CPNE8: variants seen among roughly 807,000 people sequenced by gnomAD.
CPNE8 encodes the protein copine-8.
In CPNE8, 45 loss-of-function variants were observed where a neutral mutation model predicts 81.5. The observed-to-expected ratio is 0.55, with a 90% confidence interval of 0.44 to 0.71. CPNE8 has a LOEUF of 0.71. Ranked by LOEUF, CPNE8 falls within the 30% of genes least tolerant of loss-of-function variation. The pLI is 0.00. For missense variants in CPNE8, 594 were observed against 672.1 expected, an observed-to-expected ratio of 0.88 and a Z score of 1.28; for synonymous variants, 252 against 226.3, an observed-to-expected ratio of 1.11 and a Z score of -1.02.
chr12:38,652,605 C>A lies in CPNE8; in HGVS notation c.*1277G>T, dbSNP rs1302992979. The A allele has an allele frequency of 6.6e-6, 1 of 152,532 alleles. No homozygotes were observed. The highest frequency in any genetic ancestry group is 2.4e-5 in the African/African-American group (1 of 41,440). 9.4% of individuals were successfully genotyped at this position (152,532 alleles called of 1,614,324 possible). On this transcript the variant is annotated 3_prime_UTR_variant, in exon 20 of 20. Coordinates refer to ENST00000331366, the MANE Select transcript of CPNE8 (RefSeq NM_153634.3). The stretch of plus-strand genomic sequence containing the variant: ...AAAGCAGTTACATTTTTGACACACA[C>A]ACACACACAAATAAATACACTTTTC...
intron 4 of CPNE8, among the ~76,000 whole-genome samples, chr12:38,847,515 C>A (rs533598576): frequency 1.3e-5 from 2 of 152,258 alleles, no homozygotes; most frequent in South Asian, 4.1e-4. Flanking sequence ...CAATGAGCCT[C>A]ATTTTTACTA....
chr12:38,905,664 G>A, upstream of CPNE8: 7 of 1,482,916 alleles, frequency 4.7e-6, no homozygotes, highest in Non-Finnish European at 6.3e-6. Flanking sequence ...GGCAGCGCGC[G>A]GGATGGGGGA....
intron 3 of CPNE8, among the ~76,000 whole-genome samples, chr12:38,861,249 A>G (rs1943829816): frequency 6.6e-6 from 1 of 152,132 alleles, no homozygotes; most frequent in Admixed American, 6.6e-5. Flanking sequence ...GAAAAACGGG[A>G]AATTGTTGTT....
chr12:38,658,462 T>C (rs551338974), intron 19 of CPNE8, among the ~76,000 whole-genome samples: 1 of 152,310 alleles, frequency 6.6e-6, no homozygotes, highest in East Asian at 1.9e-4. Flanking sequence ...TGGAACCAAG[T>C]TGGAAAACAC....
chr12:38,829,387 T>G lies in CPNE8; in HGVS notation c.399A>C (p.Lys133Asn). ...AATTAAAAAATACTTACACTATTGGTTTTTCCAGGCGACTTCCCTGTGAAC... is the reference window on the plus strand; with the variant it reads ...AATTAAAAAATACTTACACTATTGGGTTTTCCAGGCGACTTCCCTGTGAAC... Reference protein sequence around the residue: ...IVGSQGSRLEKPIVGIPGKKC... With the variant: ...IVGSQGSRLENPIVGIPGKKC... The change falls in exon 6 of 20, where the codon AAA becomes AAC. Residue 133 changes from lysine (K) to asparagine (N), a missense_variant. Transcript: ENST00000331366. The G allele has an allele frequency of 6.2e-7, 1 of 1,609,430 alleles. No homozygotes were observed. The highest frequency in any genetic ancestry group is 8.5e-7 in the Non-Finnish European group (1 of 1,175,760).
rs1265586921 is a variant in CPNE8, at chr12:38,661,304, T to G, written c.1507-7234A>C. Among the ~76,000 whole-genome samples the G allele has an allele frequency of 3.9e-5, 6 of 152,302 alleles. No homozygotes were observed. The East Asian group carries it at 5.8e-4, about 15-fold the overall frequency. On this transcript the variant is annotated intron_variant, in intron 19 of 19. Transcript: ENST00000331366. ...TAAAAAAGGATGAGTTCATGTCCTT[T>G]GCAGGGACATGGATGAAGCTGGAAA... is the stretch of plus-strand genomic sequence containing the variant.
At position 38,848,542 on chromosome 12, in the gene CPNE8, G is replaced by A. The variant is rs369261107; in HGVS notation, c.290+17C>T. 21 of 1,557,544 alleles carry A rather than the reference G, an allele frequency of 1.3e-5. No individual in the cohort carries two copies. Among genetic ancestry groups the A allele is most frequent in the Non-Finnish European group, 1.7e-5 (20 of 1,161,038 alleles). ...TAAAATCAAATTTTTCTAAACGCAA[G>A]TTTTAGTAGAACTTACAAGTCAAAA... On this transcript the variant is annotated intron_variant, in intron 4 of 19. Transcript: ENST00000331366.
At chr12:38,888,076 A>G (rs1032742495) in intron 1 of CPNE8, among the ~76,000 whole-genome samples, 2 of 152,154 alleles carry the variant, frequency 1.3e-5, no homozygotes, top group Non-Finnish European at 2.9e-5. Flanking sequence ...GTGCCTACAG[A>G]TCTCCACTAA....
rs558941454 is a variant in CPNE8, at chr12:38,762,013, T to G, written c.680+99A>C. On this transcript the variant is annotated intron_variant, in intron 9 of 19. Transcript: ENST00000331366. ...TATTTTCATTTTTGGAAAATAAGTTTAACCAAATTTTAATTAGCCAACTTA... is the reference window on the plus strand; with the variant it reads ...TATTTTCATTTTTGGAAAATAAGTTGAACCAAATTTTAATTAGCCAACTTA... The G allele has an allele frequency of 1.4e-5, 7 of 514,952 alleles. No homozygotes were observed. In the East Asian group the frequency reaches 2.3e-4, roughly 17 times the overall value. The allele number at this position is 514,952 out of a possible 1,614,324, so 31.9% of individuals were successfully genotyped here.
intron 16 of CPNE8, among the ~76,000 whole-genome samples, chr12:38,683,293 A>G (rs6580718): frequency 0.63 from 95,084 of 152,062 alleles, 36,670 homozygotes; most frequent in Non-Finnish European, 0.88. Flanking sequence ...TCAAGCCAAT[A>G]TAAAAAGTAT....
Position 38,799,651 on chromosome 12 carries a change from G to A in CPNE8, c.408-23350C>T, listed in dbSNP as rs1022007385. Among the ~76,000 whole-genome samples the A allele has an allele frequency of 5.9e-5, 9 of 152,178 alleles. No homozygotes were observed. In the East Asian group the frequency reaches 1.8e-3, roughly 30 times the overall value. ...AATTAAAAGAACTAGAAAAGTGGAG[G>A]AGTCAAGATGGCCGAATAGGAACAG... On this transcript the variant is annotated intron_variant, in intron 6 of 19. Coordinates refer to ENST00000331366, the MANE Select transcript of CPNE8 (RefSeq NM_153634.3).
chr12:38,846,549 TCAG>T (rs1195401833), intron 4 of CPNE8, among the ~76,000 whole-genome samples: 1 of 152,132 alleles, frequency 6.6e-6, no homozygotes, highest in Non-Finnish European at 1.5e-5. Context: ...TTGGACCGGT[TCAG>T]CAACTGGCCT....
intron 10 of CPNE8, among the ~76,000 whole-genome samples, chr12:38,753,946 C>T (rs79025925): frequency 1.8e-4 from 27 of 152,196 alleles, no homozygotes; most frequent in Admixed American, 5.2e-4. Context: ...GGAACATATT[C>T]CCCCAGAGAT....
chr12:38,704,826 GTATATATATATATATATA>G lies in CPNE8; in HGVS notation c.915-1923_915-1906del, dbSNP rs573232937. On this transcript the variant is annotated intron_variant, in intron 13 of 19. Coordinates refer to ENST00000331366, the MANE Select transcript of CPNE8 (RefSeq NM_153634.3). ...GGACCATCTGTGTGTGTATGTATGT[GTATATATATATATATATA>G]TATATATATATATATATATTTAAAT... 1.6e-4 allele frequency among the ~76,000 whole-genome samples: 8 copies of G among 50,200 alleles called. 1 individual carries two copies. The highest frequency in any genetic ancestry group is 2.9e-4 in the Admixed American group (1 of 3,494). 32.9% of individuals were successfully genotyped at this position (50,200 alleles called of 152,430 possible).
At chr12:38,670,964 T>C in intron 18 of CPNE8, 162 bp from the exon 19 acceptor site, 1 of 535,342 alleles carries the variant, frequency 1.9e-6, no homozygotes, top group African/African-American at 2.0e-5. Flanking sequence ...CATACAAAAC[T>C]TGATTAAGTG....
At chr12:38,743,752 C>G (rs971892290) in intron 10 of CPNE8, among the ~76,000 whole-genome samples, 2 of 151,912 alleles carry the variant, frequency 1.3e-5, no homozygotes, top group East Asian at 3.9e-4. Flanking sequence ...GAACTTCAGG[C>G]TATAAAGTAA....
At chr12:38,661,757 C>T (rs752169858) in intron 19 of CPNE8, among the ~76,000 whole-genome samples, 49 of 151,956 alleles carry the variant, frequency 3.2e-4, no homozygotes, top group South Asian at 6.2e-4. Flanking sequence ...ACATCTTCAA[C>T]GAAATACTAG....
chr12:38,784,737 A>G lies in CPNE8; in HGVS notation c.408-8436T>C, dbSNP rs571093518. On this transcript the variant is annotated intron_variant, in intron 6 of 19. Coordinates refer to ENST00000331366, the MANE Select transcript of CPNE8 (RefSeq NM_153634.3). ...GTGGCATGACATATATAAAATGCTG[A>G]AGGAAAAAAAAAACTTTTTACCCTG... Among the ~76,000 whole-genome samples the G allele has an allele frequency of 1.5e-3, 235 of 152,292 alleles. 1 individual carries two copies. Among genetic ancestry groups the G allele is most frequent in the African/African-American group, 5.5e-3 (228 of 41,568 alleles).
chr12:38,825,363 GA>G (rs1406852655), intron 6 of CPNE8, among the ~76,000 whole-genome samples: 3 of 151,950 alleles, frequency 2.0e-5, no homozygotes, highest in African/African-American at 7.3e-5. Flanking sequence ...ATTGATTCAG[GA>G]AAAAAAGTTA....
Sources: gnomAD v4.1 joint callset for allele counts (sites outside exome capture counted in the v4.1 genomes callset) on GRCh38, gnomAD v4.1.1 for gene constraint, MANE v1.5 for transcripts, NCBI Gene and HGNC (gene_info 2026-07-23, HGNC 2026-07-21) for gene names.